LRRC18: variants seen among roughly 807,000 people sequenced by gnomAD.
The protein encoded by LRRC18 is leucine-rich repeat-containing protein 18.
In LRRC18, 12 loss-of-function variants were observed where a neutral mutation model predicts 11.2. The observed-to-expected ratio is 1.07, with a 90% CI of 0.69 to 1.74. The LOEUF is 1.74. Among genes scored for constraint, LRRC18 ranks in the 40% most tolerant of loss-of-function variants. The pLI is 0.00. For missense variants in LRRC18, 374 were observed against 330.5 expected, an observed-to-expected ratio of 1.13 and a Z score of -1.02; for synonymous variants, 155 against 130.6, an observed-to-expected ratio of 1.19 and a Z score of -1.27.
the LRRC18 span, among the ~76,000 whole-genome samples, chr10:48,933,145 G>A: frequency 6.6e-6 from 1 of 152,180 alleles, no homozygotes; most frequent in African/African-American, 2.4e-5. Context: ...GCTCTGTGGT[G>A]GAAGCAGAGC....
exon 1 of LRRC18, chr10:48,913,480 T>G (rs1481974105): frequency 3.2e-6 from 5 of 1,564,672 alleles, no homozygotes; most frequent in Admixed American, 3.5e-5. Context: ...GTGGCCATGT[T>G]CTTGATTCTA....
intron 1 of LRRC18, among the ~76,000 whole-genome samples, chr10:48,911,595 A>C (rs981865175): frequency 6.6e-6 from 1 of 152,236 alleles, no homozygotes; most frequent in Admixed American, 6.5e-5. Context: ...AAGTGTGTTT[A>C]TTAATACCAG....
chr10:48,913,574 C>A, exon 1 of LRRC18: 1 of 1,614,122 alleles, frequency 6.2e-7, no homozygotes, highest in South Asian at 1.1e-5. Context: ...AGTTCTCCAG[C>A]CTCCTGATGG....
chr10:48,928,315 G>A, the LRRC18 span, among the ~76,000 whole-genome samples: 1 of 151,910 alleles, frequency 6.6e-6, no homozygotes, highest in Non-Finnish European at 1.5e-5. Flanking sequence ...CAAGGTCAGG[G>A]GAGGGCAATG....
chr10:48,938,715 T>TG, the LRRC18 span, among the ~76,000 whole-genome samples: 151 of 152,244 alleles, frequency 9.9e-4, no homozygotes, highest in Middle Eastern at 3.4e-3. Context: ...GAAGCTCGTC[T>TG]GGGGGGGTAA....
chr10:48,938,437 T>G, the LRRC18 span, among the ~76,000 whole-genome samples: 1 of 152,372 alleles, frequency 6.6e-6, no homozygotes, highest in East Asian at 1.9e-4. Flanking sequence ...GTCTGGGGTC[T>G]AACCCACCAT....
chr10:48,930,949 A>G, the LRRC18 span, among the ~76,000 whole-genome samples: 5 of 152,154 alleles, frequency 3.3e-5, no homozygotes, highest in Admixed American at 6.5e-5. Flanking sequence ...TATCAGCAAC[A>G]CTGCTCTCTG....
the LRRC18 span, among the ~76,000 whole-genome samples, chr10:48,937,726 G>T: frequency 2.4e-4 from 37 of 152,350 alleles, no homozygotes; most frequent in African/African-American, 7.9e-4. Context: ...TAACAGAGAG[G>T]TTTAATGAGC....
chr10:48,936,837 C>CA, the LRRC18 span, among the ~76,000 whole-genome samples: 778 of 59,088 alleles, frequency 0.013, 12 homozygotes, highest in African/African-American at 0.041. Context: ...GACTCCGTCT[C>CA]AAAAAAAAAA....
At chr10:48,925,653 A>T in the LRRC18 span, among the ~76,000 whole-genome samples, 1 of 152,186 alleles carries the variant, frequency 6.6e-6, no homozygotes, top group Non-Finnish European at 1.5e-5. Context: ...AGGTGCAGAG[A>T]TGATGGTGCA....
chr10:48,928,192 T>C, the LRRC18 span, among the ~76,000 whole-genome samples: 2 of 152,206 alleles, frequency 1.3e-5, no homozygotes, highest in South Asian at 2.1e-4. Flanking sequence ...GCTTTGGCTG[T>C]AGTGGGTGTG....
the LRRC18 span, among the ~76,000 whole-genome samples, chr10:48,923,496 G>GTATATA: frequency 6.5e-4 from 41 of 63,200 alleles, 4 homozygotes; most frequent in African/African-American, 1.3e-3. Flanking sequence ...ATAGTTTTTA[G>GTATATA]TATATATATA....
At chr10:48,919,945 G>A in the LRRC18 span, among the ~76,000 whole-genome samples, 1 of 152,006 alleles carries the variant, frequency 6.6e-6, no homozygotes, top group African/African-American at 2.4e-5. Flanking sequence ...ATCACACAAA[G>A]ACATATAAGA....
chr10:48,937,000 A>G, the LRRC18 span, among the ~76,000 whole-genome samples: 11 of 151,660 alleles, frequency 7.3e-5, no homozygotes, highest in South Asian at 8.3e-4. Flanking sequence ...GCTCACTGCA[A>G]ACTTCACCTC....
At chr10:48,913,594 A>G in exon 1 of LRRC18, 1 of 1,614,030 alleles carries the variant, frequency 6.2e-7, no homozygotes, top group Non-Finnish European at 8.5e-7. Context: ...GAGTCTATGA[A>G]TATTTCCGAC....
At chr10:48,917,048 A>G (rs938986092), upstream of LRRC18, among the ~76,000 whole-genome samples, 1 of 152,162 alleles carries the variant, frequency 6.6e-6, no homozygotes, top group African/African-American at 2.4e-5. Context: ...TTGTGTTACA[A>G]TTGCCTATAG....
chr10:48,925,916 C>G, the LRRC18 span, among the ~76,000 whole-genome samples: 1 of 152,146 alleles, frequency 6.6e-6, no homozygotes, highest in Non-Finnish European at 1.5e-5. Context: ...AGCAAAATAT[C>G]TTATAGTAAA....
At chr10:48,920,923 T>A in the LRRC18 span, among the ~76,000 whole-genome samples, 5 of 152,264 alleles carry the variant, frequency 3.3e-5, no homozygotes, top group East Asian at 9.7e-4. Context: ...ATAAAATACT[T>A]CTATATTTCA....
chr10:48,935,357 A>T, the LRRC18 span: 2 of 152,262 alleles, frequency 1.3e-5, no homozygotes, highest in Non-Finnish European at 2.9e-5. Context: ...TGCCACGAGG[A>T]GGGAACCCCA....
Sources: allele counts gnomAD v4.1 joint callset (sites outside exome capture counted in the v4.1 genomes callset), GRCh38; gene constraint gnomAD v4.1.1; transcripts MANE v1.5; gene names NCBI Gene and HGNC (gene_info 2026-07-23, HGNC 2026-07-21).